OPCML: variants seen among roughly 807,000 people sequenced by gnomAD.
OPCML encodes the protein opioid-binding protein/cell adhesion molecule.
Under a neutral mutation model 37.8 loss-of-function variants are expected in OPCML, and 13 were observed. The observed-to-expected ratio is 0.34, with a 90% CI of 0.22 to 0.55. The LOEUF is 0.55. Among genes scored for constraint, OPCML ranks in the 20% least tolerant of loss-of-function variants. The probability of loss-of-function intolerance (pLI) is 0.91; values close to 1 mark genes in which losing one functional copy is unlikely to be tolerated. For missense variants in OPCML, 341 were observed against 435.6 expected, an observed-to-expected ratio of 0.78 and a Z score of 1.93; for synonymous variants, 176 against 168.8, an observed-to-expected ratio of 1.04 and a Z score of -0.33.
intron 4 of OPCML, among the ~76,000 whole-genome samples, chr11:132,441,300 T>C (rs2096033854): frequency 6.8e-6 from 1 of 146,790 alleles, no homozygotes; most frequent in South Asian, 2.2e-4. Context: ...CCCAAGTAGC[T>C]GGGACTGCAG....
chr11:133,098,324 T>A (rs1204161174), intron 1 of OPCML, among the ~76,000 whole-genome samples: 4 of 151,480 alleles, frequency 2.6e-5, no homozygotes, highest in Non-Finnish European at 4.4e-5. Context: ...CATGCCATTC[T>A]CCTGCCTCAG....
At chr11:133,005,576 C>G (rs1039334278) in intron 1 of OPCML, 21 of 984,986 alleles carry the variant, frequency 2.1e-5, no homozygotes, top group Admixed American at 1.2e-4. Flanking sequence ...TTTAATATAT[C>G]CCTTTCCTTA....
Position 132,719,972 on chromosome 11 carries a change from T to C in OPCML, c.147-62653A>G, listed in dbSNP as rs570433096. On this transcript the variant is annotated intron_variant, in intron 2 of 7. Transcript: ENST00000524381. ...GGAACTAGAGTCATCTGGGGACAGC[T>C]ACCTGCTTCTGCTCCCTGGATCCAC... Among the ~76,000 whole-genome samples the C allele has an allele frequency of 2.0e-5, 3 of 152,288 alleles. No individual in the cohort carries two copies. In the South Asian group the frequency reaches 6.2e-4, roughly 32 times the overall value.
intron 2 of OPCML, among the ~76,000 whole-genome samples, chr11:132,812,378 A>T (rs1431705435): frequency 1.3e-5 from 2 of 152,098 alleles, no homozygotes; most frequent in Admixed American, 6.5e-5. Flanking sequence ...AATGCTCCTA[A>T]CCTACCCTAC....
chr11:132,458,318 C>A (rs1021134976), intron 4 of OPCML, among the ~76,000 whole-genome samples: 1 of 152,230 alleles, frequency 6.6e-6, no homozygotes, highest in Non-Finnish European at 1.5e-5. Context: ...ATTCTACCCA[C>A]TTCCTCTGGC....
intron 3 of OPCML, among the ~76,000 whole-genome samples, chr11:132,629,464 T>C (rs969489818): frequency 6.6e-6 from 1 of 152,314 alleles, no homozygotes; most frequent in Admixed American, 6.5e-5. Flanking sequence ...AATTTACATA[T>C]AATCTTCAGT....
intron 1 of OPCML, among the ~76,000 whole-genome samples, chr11:133,505,116 C>T (rs1013871823): frequency 6.6e-6 from 1 of 152,216 alleles, no homozygotes; most frequent in Non-Finnish European, 1.5e-5. Flanking sequence ...GGGAAGGACC[C>T]TCGACCTCAT....
rs562829039 is a variant in OPCML, at chr11:133,527,762, T to C, written c.61+4502A>G. 1.1e-4 allele frequency among the ~76,000 whole-genome samples: 17 copies of C among 152,296 alleles called. No individual in the cohort carries two copies. In the East Asian group the frequency reaches 3.1e-3, roughly 28 times the overall value. Reference sequence around the variant, plus strand: ...ACATGGCTGGAACCCATTCTACAGATTGGTAAACTGAGACTTAGAGAATGC... The same window carrying C: ...ACATGGCTGGAACCCATTCTACAGACTGGTAAACTGAGACTTAGAGAATGC... On this transcript the variant is annotated intron_variant, in intron 1 of 7. Coordinates refer to ENST00000524381, the MANE Select transcript of OPCML (RefSeq NM_001012393.5).
At chr11:133,056,926 C>T (rs1361770888) in intron 1 of OPCML, among the ~76,000 whole-genome samples, 1 of 152,190 alleles carries the variant, frequency 6.6e-6, no homozygotes, top group African/African-American at 2.4e-5. Flanking sequence ...TCACCACAAC[C>T]TCCGCCTTCC....
intron 1 of OPCML, among the ~76,000 whole-genome samples, chr11:133,015,455 T>TGAAGGAAGGAAGGAAGGAAGGAATGAAG (rs1565398983): frequency 6.1e-5 from 4 of 65,970 alleles, no homozygotes; most frequent in African/African-American, 2.5e-4. Flanking sequence ...AAGGAAGGAA[T>TGAAGGAAGGAAGGAAGGAAGGAATGAAG]GAAGGAAGGA....
At chr11:133,079,264 C>A (rs1282710417) in intron 1 of OPCML, among the ~76,000 whole-genome samples, 2 of 152,148 alleles carry the variant, frequency 1.3e-5, no homozygotes, top group Non-Finnish European at 2.9e-5. Context: ...AAGAATGGAT[C>A]CATGGAGCAC....
chr11:133,275,829 C>A lies in OPCML; in HGVS notation c.61+256435G>T, dbSNP rs546158903. Among the ~76,000 whole-genome samples, 5 of 152,254 alleles carry A rather than the reference C, an allele frequency of 3.3e-5. No homozygotes were observed. The East Asian group carries it at 9.7e-4, about 29-fold the overall frequency. On this transcript the variant is annotated intron_variant, in intron 1 of 7. Coordinates refer to ENST00000524381, the MANE Select transcript of OPCML (RefSeq NM_001012393.5). Reference sequence around the variant, plus strand: ...TATGAGTAATTGTTGGAGCTGCTACCATCTCCTTCCTTGACTCAAACCTGT... The same window carrying A: ...TATGAGTAATTGTTGGAGCTGCTACAATCTCCTTCCTTGACTCAAACCTGT...
intron 1 of OPCML, among the ~76,000 whole-genome samples, chr11:133,517,511 G>A (rs1229618262): frequency 6.6e-6 from 1 of 152,216 alleles, no homozygotes; most frequent in Non-Finnish European, 1.5e-5. Flanking sequence ...AGGGAGTCAG[G>A]GAGTGGGGGC....
intron 1 of OPCML, among the ~76,000 whole-genome samples, chr11:133,285,925 C>G (rs1221579327): frequency 6.6e-6 from 1 of 152,152 alleles, no homozygotes; most frequent in Non-Finnish European, 1.5e-5. Context: ...ATTGGAAAGA[C>G]ATAAACATAC....
intron 4 of OPCML, among the ~76,000 whole-genome samples, chr11:132,477,026 C>G (rs1338727549): frequency 6.6e-6 from 1 of 152,040 alleles, no homozygotes; most frequent in Admixed American, 6.6e-5. Context: ...GGTAAATTGA[C>G]CACTTATCTT....
In OPCML at chr11:133,057,089, C is replaced by A. The variant is rs561571134; in HGVS notation, c.62-114079G>T. Among the ~76,000 whole-genome samples, 7 of 152,294 alleles carry A rather than the reference C, an allele frequency of 4.6e-5. 1 individual carries two copies. The South Asian group carries it at 1.5e-3, about 32-fold the overall frequency. ...GAACTCCCGACCTCAGGTTATCCAC[C>A]CGCCTTGGCCTCCAAAGTGCTGGGA... On this transcript the variant is annotated intron_variant, in intron 1 of 7. Coordinates refer to ENST00000524381, the MANE Select transcript of OPCML (RefSeq NM_001012393.5).
chr11:132,694,177 GTCTTTT>G (rs1943513444), intron 2 of OPCML, among the ~76,000 whole-genome samples: 6 of 63,944 alleles, frequency 9.4e-5, no homozygotes, highest in African/African-American at 3.5e-4. Context: ...TGAAATCAAT[GTCTTTT>G]TTTTTTTTTT....
intron 2 of OPCML, among the ~76,000 whole-genome samples, chr11:132,667,827 T>A (rs879536563): frequency 6.6e-6 from 1 of 152,242 alleles, no homozygotes; most frequent in Admixed American, 6.5e-5. Flanking sequence ...GTGGGACTTA[T>A]AGGCTATGTT....
intron 2 of OPCML, among the ~76,000 whole-genome samples, chr11:132,676,507 A>G (rs1942707582): frequency 6.6e-6 from 1 of 151,982 alleles, no homozygotes; most frequent in Non-Finnish European, 1.5e-5. Context: ...AATCTATAGA[A>G]TGAGATAAAA....
Sources: gnomAD v4.1 joint callset for allele counts (sites outside exome capture counted in the v4.1 genomes callset) on GRCh38, gnomAD v4.1.1 for gene constraint, MANE v1.5 for transcripts, NCBI Gene and HGNC (gene_info 2026-07-23, HGNC 2026-07-21) for gene names.